MN1: variants seen among roughly 807,000 people sequenced by gnomAD.
The protein encoded by MN1 is transcriptional activator MN1.
A neutral mutation model predicts 86.9 loss-of-function variants in MN1; 19 were observed. The observed-to-expected ratio is 0.22, with a 90% CI of 0.15 to 0.32. The LOEUF is 0.32. MN1 is among the 10% of genes least tolerant of loss of function. MN1 has a pLI of 1.00. For synonymous variants in MN1, 928 were observed against 849.6 expected (o/e 1.09, Z -1.60); for missense variants, 1,841 against 1,862.0 (o/e 0.99, Z 0.21).
At chr22:27,763,094 C>CA (rs1156976425) in intron 1 of MN1, among the ~76,000 whole-genome samples, 1 of 151,878 alleles carries the variant, frequency 6.6e-6, no homozygotes, top group Non-Finnish European at 1.5e-5. Context: ...GACCTTATCT[C>CA]AAAAAAACAA....
In MN1 at chr22:27,796,008, T is replaced by C. The variant is rs571230856; in HGVS notation, c.3781+755A>G. 3.1e-3 allele frequency among the ~76,000 whole-genome samples: 469 copies of C among 152,036 alleles called. 2 individuals are homozygous for C. Among genetic ancestry groups the C allele is most frequent in the African/African-American group, 0.011 (442 of 41,434 alleles). On this transcript the variant is annotated intron_variant, in intron 1 of 1. Coordinates refer to ENST00000302326, the MANE Select transcript of MN1 (RefSeq NM_002430.3). ...ATCCTTTGTGTCTTAAGAGTATATA[T>C]CCATATCCCCATACACAAATGATGT...
At chr22:27,781,515 G>C (rs77181372) in intron 1 of MN1, among the ~76,000 whole-genome samples, 245 of 152,274 alleles carry the variant, frequency 1.6e-3, no homozygotes, top group Non-Finnish European at 2.7e-3. Flanking sequence ...TGGGAAGGGT[G>C]TTACTCTTCC....
chr22:27,759,775 A>G (rs1932822632), intron 1 of MN1, among the ~76,000 whole-genome samples: 1 of 152,134 alleles, frequency 6.6e-6, no homozygotes, highest in South Asian at 2.1e-4. Flanking sequence ...TCACATTTTC[A>G]TCTCAGCTCT....
In MN1 at chr22:27,750,346, T is replaced by G. The variant is rs1932752864; in HGVS notation, c.*569A>C. The G allele has an allele frequency of 4.3e-6, 1 of 231,484 alleles. No homozygotes were observed. The highest frequency in any genetic ancestry group is 1.8e-4 in the South Asian group (1 of 5,510). 14.3% of individuals were successfully genotyped at this position (231,484 alleles called of 1,614,324 possible). A position where few individuals can be genotyped will look rare whatever the true frequency, so the allele number is the denominator to read the frequency against. ...TCCTGCCTGACTGATGACACTGGGG[T>G]GTCAATATATAACATTGTGATGACA... On this transcript the variant is annotated 3_prime_UTR_variant, in exon 2 of 2. Coordinates refer to ENST00000302326, the MANE Select transcript of MN1 (RefSeq NM_002430.3).
intron 1 of MN1, among the ~76,000 whole-genome samples, chr22:27,758,428 C>T (rs1172199223): frequency 6.6e-6 from 1 of 152,230 alleles, no homozygotes; most frequent in Non-Finnish European, 1.5e-5. Flanking sequence ...TGGCAGATGG[C>T]ACCCCTGGCT....
intron 1 of MN1, among the ~76,000 whole-genome samples, chr22:27,779,575 G>A (rs1933024520): frequency 6.6e-6 from 1 of 152,168 alleles, no homozygotes; most frequent in African/African-American, 2.4e-5. Flanking sequence ...AGAAAGGCCT[G>A]GATATGAATC....
Position 27,801,079 on chromosome 22 carries a change from TC to T in MN1, c.-537del. 2 of 222,090 alleles carry T rather than the reference TC, an allele frequency of 9.0e-6. No homozygotes were observed. The highest frequency in any genetic ancestry group is 1.4e-3 in the Middle Eastern group (1 of 706). 13.8% of individuals were successfully genotyped at this position (222,090 alleles called of 1,614,324 possible). A position where few individuals can be genotyped will look rare whatever the true frequency, so the allele number is the denominator to read the frequency against. On this transcript the variant is annotated 5_prime_UTR_variant, in exon 1 of 2. Coordinates refer to ENST00000302326, the MANE Select transcript of MN1 (RefSeq NM_002430.3). ...CGCCGGGCACCGACAGAGCGGTCCC[TC>T]CCCCCGCCCCCCGGAGTCCCCGCGC... is the stretch of plus-strand genomic sequence containing the variant.
Position 27,748,361 on chromosome 22 carries a change from T to TGCA in MN1, c.*2551_*2553dup, listed in dbSNP as rs1396814388. On this transcript the variant is annotated 3_prime_UTR_variant, in exon 2 of 2. Transcript: ENST00000302326. Reference sequence around the variant, plus strand: ...TACAATATGCAGGAATACAGAAGACTGCACTTTACATATTTTTTTAAAAAA... The same window carrying TGCA: ...TACAATATGCAGGAATACAGAAGACTGCAGCACTTTACATATTTTTTTAAAAAA... 5.6e-6 allele frequency: 1 copy of TGCA among 179,974 alleles called. No homozygotes were observed. The highest frequency in any genetic ancestry group is 6.3e-5 in the Admixed American group (1 of 15,868). The allele number at this position is 179,974 out of a possible 1,614,324, so 11.1% of individuals were successfully genotyped here. A position where few individuals can be genotyped will look rare whatever the true frequency, so the allele number is the denominator to read the frequency against.
chr22:27,800,328 C>T lies in MN1; in HGVS notation c.216G>A (p.Ala72=), dbSNP rs12167375. Residue 72 remains alanine (A), a synonymous_variant, in exon 1 of 2, where the codon GCG becomes GCA. Coordinates refer to ENST00000302326, the MANE Select transcript of MN1 (RefSeq NM_002430.3). ...CTGCGTGCAACTCCGAGTGGCCGCG[C>T]GCGTGGAAGCCGTAGGGCTCCATGT... ...GMNMEPYGFH[A]RGHSELHAGG... The T allele has an allele frequency of 6.3e-7, 1 of 1,583,622 alleles. No homozygotes were observed. Among genetic ancestry groups the T allele is most frequent in the Non-Finnish European group, 8.6e-7 (1 of 1,163,762 alleles).
chr22:27,798,120 G>T lies in MN1; in HGVS notation c.2424C>A (p.Gly808=). The T allele has an allele frequency of 1.2e-6, 2 of 1,608,886 alleles. No individual in the cohort carries two copies. The highest frequency in any genetic ancestry group is 1.7e-6 in the Non-Finnish European group (2 of 1,179,104). ...SASKLGALSL[G]SFNKPSSKDN... The stretch of plus-strand genomic sequence containing the variant: ...CCTTGGAGCTGGGCTTGTTGAAGGA[G>T]CCCAGCGAGAGCGCGCCCAATTTAC... The change falls in exon 1 of 2, where the codon GGC becomes GGA. Residue 808 remains glycine, a synonymous_variant. Coordinates refer to ENST00000302326, the MANE Select transcript of MN1 (RefSeq NM_002430.3).
chr22:27,767,532 G>A (rs1465346923), intron 1 of MN1, among the ~76,000 whole-genome samples: 1 of 152,110 alleles, frequency 6.6e-6, no homozygotes, highest in Non-Finnish European at 1.5e-5. Flanking sequence ...AGACAAAAAT[G>A]CAGGAGTCCC....
At chr22:27,752,808 T>TG (rs1932777394) in intron 1 of MN1, among the ~76,000 whole-genome samples, 2 of 152,086 alleles carry the variant, frequency 1.3e-5, no homozygotes, top group South Asian at 4.1e-4. Context: ...AAGCTGAAAT[T>TG]GGGGGTGGGG....
chr22:27,757,579 G>T (rs183184678), intron 1 of MN1, among the ~76,000 whole-genome samples: 5 of 152,178 alleles, frequency 3.3e-5, no homozygotes, highest in Non-Finnish European at 7.4e-5. Flanking sequence ...ACTCACCCTC[G>T]CTGGATTCCG....
At position 27,798,078 on chromosome 22, in the gene MN1, C is replaced by G; in HGVS notation, c.2466G>C (p.Gln822His). 2 of 1,611,480 alleles carry G rather than the reference C, an allele frequency of 1.2e-6. No homozygotes were observed. Among genetic ancestry groups the G allele is most frequent in the African/African-American group, 1.3e-5 (1 of 75,056 alleles). ...KPSSKDNLFG[Q>H]SCLAALSTAC... ...CGGTGGAGAGCGCAGCCAGGCAGCTCTGGCCGAACAGGTTGTCCTTGGAGC... is the reference window on the plus strand; with the variant it reads ...CGGTGGAGAGCGCAGCCAGGCAGCTGTGGCCGAACAGGTTGTCCTTGGAGC... The change falls in exon 1 of 2, where the codon CAG (glutamine) becomes CAC (histidine). Residue 822 changes from glutamine to histidine, a missense_variant. Physicochemically the swap from Gln to His is conservative, Grantham distance 24 (BLOSUM62 0). Transcript: ENST00000302326.
At chr22:27,765,412 G>GA (rs200424278) in intron 1 of MN1, among the ~76,000 whole-genome samples, 3 of 86,318 alleles carry the variant, frequency 3.5e-5, no homozygotes, top group East Asian at 2.8e-4. Context: ...GTTGCTGTTA[G>GA]AAAAAAAAAA....
At chr22:27,774,457 C>T (rs1932951036) in intron 1 of MN1, among the ~76,000 whole-genome samples, 1 of 152,194 alleles carries the variant, frequency 6.6e-6, no homozygotes, top group Non-Finnish European at 1.5e-5. Context: ...GTCGGAGGTC[C>T]ACCCCACGGG....
In MN1 at chr22:27,799,654, G is replaced by GGCT. The variant is rs1236451798; in HGVS notation, c.887_889dup (p.Gln296dup). ...CTGCTGGGGCTGCTGCTGCTGCTGG[G>GGCT]GCTGCTGCTGCGGTGGCTGGGCGTG... On this transcript the variant is annotated inframe_insertion, in exon 1 of 2. Transcript: ENST00000302326. The GGCT allele has an allele frequency of 5.0e-5, 77 of 1,549,814 alleles. No individual in the cohort carries two copies. The highest frequency in any genetic ancestry group is 6.7e-5 in the Non-Finnish European group (77 of 1,146,680).
At chr22:27,759,698 C>G (rs1406838752) in intron 1 of MN1, among the ~76,000 whole-genome samples, 3 of 152,230 alleles carry the variant, frequency 2.0e-5, no homozygotes, top group African/African-American at 7.2e-5. Context: ...GCCCATGTGG[C>G]TCCCACCTGC....
intron 1 of MN1, among the ~76,000 whole-genome samples, chr22:27,752,604 ACTTCT>A: frequency 6.6e-6 from 1 of 152,196 alleles, no homozygotes; most frequent in South Asian, 2.1e-4. Flanking sequence ...AATTTGCAGG[ACTTCT>A]CATTTACGGC....
Sources: allele counts gnomAD v4.1 joint callset (sites outside exome capture counted in the v4.1 genomes callset), GRCh38; gene constraint gnomAD v4.1.1; transcripts MANE v1.5; gene names NCBI Gene and HGNC (gene_info 2026-07-23, HGNC 2026-07-21).